Variants in INPP4A observed in about 807,000 individuals in gnomAD.
INPP4A encodes inositol polyphosphate-4-phosphatase type I A, also known as inositol polyphosphate-4-phosphatase, type I, 107kD.
A neutral mutation model predicts 119.8 loss-of-function variants in INPP4A; 33 were observed. That is an observed-to-expected ratio of 0.28 (90% CI 0.21 to 0.37). The LOEUF is 0.37. Ranked by LOEUF, INPP4A falls within the 10% of genes least tolerant of loss-of-function variation. The pLI is 1.00. For missense variants in INPP4A, 956 were observed against 1,289.9 expected, an observed-to-expected ratio of 0.74 and a Z score of 3.97; for synonymous variants, 496 against 500.7, an observed-to-expected ratio of 0.99 and a Z score of 0.12.
Position 98,546,022 on chromosome 2 carries a change from C to T in INPP4A, c.1003C>T (p.Pro335Ser). 1 of 1,593,644 alleles carries T rather than the reference C, an allele frequency of 6.3e-7. No homozygotes were observed. The change falls in exon 12 of 25, where the codon CCC becomes TCC. Residue 335 changes from proline (P) to serine (S), a missense_variant. Physicochemically the swap from Pro to Ser is moderately conservative, Grantham distance 74. Transcript: ENST00000409851. The surrounding 1 kb of genome is among the most constrained non-coding windows in gnomAD (Gnocchi z 4.2). ...AGCAGATAAAAAGTTAGAATTTGTT[C>T]CCACAAACTTGCACATACAAAGGAT... Reference protein sequence around the residue: ...LKADKKLEFVPTNLHIQRMRV... With the variant: ...LKADKKLEFVSTNLHIQRMRV...
At chr2:98,577,167 C>CGCCCCGCCT in intron 24 of INPP4A, 24 bp downstream of exon 24, 2 of 1,565,080 alleles carry the variant, frequency 1.3e-6, no homozygotes, top group Non-Finnish European at 8.7e-7. Flanking sequence ...CCAGGCCGCG[C>CGCCCCGCCT]GCCCCGCCTG....
intron 4 of INPP4A, among the ~76,000 whole-genome samples, chr2:98,530,337 T>C (rs764524713): frequency 6.6e-5 from 10 of 152,058 alleles, no homozygotes; most frequent in Non-Finnish European, 1.2e-4. Context: ...AGAGAAAGGA[T>C]TAGATGGATT....
At chr2:98,543,624 C>T (rs2106060050) in intron 10 of INPP4A, among the ~76,000 whole-genome samples, 1 of 152,294 alleles carries the variant, frequency 6.6e-6, no homozygotes, top group Middle Eastern at 3.4e-3. Flanking sequence ...TTCCCTTGAA[C>T]ATTAGACTAA....
intron 19 of INPP4A, 28 bp from the exon 20 acceptor site, chr2:98,565,612 G>C (rs752421738): frequency 2.5e-6 from 4 of 1,581,480 alleles, no homozygotes; most frequent in Non-Finnish European, 3.4e-6. Context: ...CCCTCTGCCT[G>C]ACAGCCCTGC....
rs1347504780 is a variant in INPP4A, at chr2:98,559,487, C to A, written c.1847C>A (p.Ser616Tyr). The A allele has an allele frequency of 6.2e-7, 1 of 1,613,878 alleles. No homozygotes were observed. The highest frequency in any genetic ancestry group is 1.1e-5 in the South Asian group (1 of 91,078). Residue 616 changes from serine (S) to tyrosine (Y), a missense_variant, in exon 17 of 25, where the codon TCC becomes TAC. Coordinates refer to ENST00000409851, the MANE Select transcript of INPP4A (RefSeq NM_001134225.2). ...GATTGCAGTCCCCCTCCTGAAGAGTCCAGCCCAGGTACGTGGTTTCCGTTC... is the reference window on the plus strand; with the variant it reads ...GATTGCAGTCCCCCTCCTGAAGAGTACAGCCCAGGTACGTGGTTTCCGTTC... Reference protein sequence around the residue: ...TTHCSPPPEESSPGEWSEALY... With the variant: ...TTHCSPPPEEYSPGEWSEALY...
chr2:98,488,709 C>T (rs1371664687), intron 1 of INPP4A, among the ~76,000 whole-genome samples: 1 of 152,152 alleles, frequency 6.6e-6, no homozygotes, highest in African/African-American at 2.4e-5. Context: ...ATATTTTGGA[C>T]ACACGAGAAG....
At chr2:98,491,647 C>T (rs990180661) in intron 1 of INPP4A, among the ~76,000 whole-genome samples, 3 of 152,132 alleles carry the variant, frequency 2.0e-5, no homozygotes, top group Non-Finnish European at 4.4e-5. Context: ...TACACAGTCA[C>T]CTACCTGAGT....
chr2:98,527,888 C>T (rs770843816), intron 4 of INPP4A, among the ~76,000 whole-genome samples: 3 of 152,178 alleles, frequency 2.0e-5, no homozygotes, highest in Non-Finnish European at 4.4e-5. Context: ...CACAAAAGAG[C>T]AGCAACAACA....
intron 24 of INPP4A, among the ~76,000 whole-genome samples, chr2:98,577,737 G>A (rs555291899): frequency 3.9e-5 from 6 of 152,308 alleles, no homozygotes; most frequent in East Asian, 1.9e-4. Flanking sequence ...GGCAGCAGGC[G>A]TGTTTGCAGA....
intron 24 of INPP4A, among the ~76,000 whole-genome samples, 185 bp from the exon 25 acceptor site, chr2:98,587,291 T>G (rs533414574): frequency 4.6e-5 from 7 of 152,234 alleles, no homozygotes; most frequent in Admixed American, 2.0e-4. Context: ...TCTCTGTGCT[T>G]CTTAATTGCC....
At position 98,499,785 on chromosome 2, in the gene INPP4A, C is replaced by T. The variant is rs182423127; in HGVS notation, c.-165-19179C>T. Among the ~76,000 whole-genome samples, 374 of 152,292 alleles carry T rather than the reference C, an allele frequency of 2.5e-3. 1 individual carries two copies. Among genetic ancestry groups the T allele is most frequent in the African/African-American group, 8.6e-3 (358 of 41,548 alleles). Reference sequence around the variant, plus strand: ...ACATAAAGTCTTTTAATTGGGCTATCGTAACTTTCAAGGACAAAAGGACAG... The same window carrying T: ...ACATAAAGTCTTTTAATTGGGCTATTGTAACTTTCAAGGACAAAAGGACAG... On this transcript the variant is annotated intron_variant, in intron 1 of 24. Transcript: ENST00000409851.
chr2:98,578,225 C>T (rs927663569), intron 24 of INPP4A, among the ~76,000 whole-genome samples: 1 of 152,192 alleles, frequency 6.6e-6, no homozygotes, highest in Non-Finnish European at 1.5e-5. Context: ...GGTCTGCTCC[C>T]CAGGAGCCTT....
At position 98,591,343 on chromosome 2, in the gene INPP4A, G is replaced by A. The variant is rs1314586042; in HGVS notation, c.*3735G>A. 1 of 154,352 alleles carries A rather than the reference G, an allele frequency of 6.5e-6. No individual in the cohort carries two copies. Among genetic ancestry groups the A allele is most frequent in the Non-Finnish European group, 1.4e-5 (1 of 69,470 alleles). 9.6% of individuals were successfully genotyped at this position (154,352 alleles called of 1,614,324 possible). A position where few individuals can be genotyped will look rare whatever the true frequency, so the allele number is the denominator to read the frequency against. ...TTTCTACCTTCACTCTCATGTCTCA[G>A]GATTATTTTTTCAGCATTTACCTGT... On this transcript the variant is annotated 3_prime_UTR_variant, in exon 25 of 25. Transcript: ENST00000409851.
chr2:98,564,664 A>G lies in INPP4A; in HGVS notation c.2053A>G (p.Ile685Val), dbSNP rs1436731316. 2.5e-6 allele frequency: 4 copies of G among 1,613,296 alleles called. No individual in the cohort carries two copies. The highest frequency in any genetic ancestry group is 3.4e-6 in the Non-Finnish European group (4 of 1,179,770). Residue 685 changes from isoleucine (I) to valine (V), a missense_variant, in exon 19 of 25, where the codon ATC becomes GTC. Coordinates refer to ENST00000409851, the MANE Select transcript of INPP4A (RefSeq NM_001134225.2). ...GCTGACCGCCCTCATCTGCGGCTTC[A>G]TCATTAAGCTGAGGAACTGCCTGCA... Reference protein sequence around the residue: ...QTLTALICGFIIKLRNCLHDD... With the variant: ...QTLTALICGFVIKLRNCLHDD...
chr2:98,576,897 G>A, intron 23 of INPP4A, 92 bp from the exon 24 acceptor site: 3 of 1,467,846 alleles, frequency 2.0e-6, no homozygotes, highest in Non-Finnish European at 2.8e-6. Flanking sequence ...TCCTGCCCTT[G>A]CTGGGCTGGT....
At chr2:98,472,160 T>C (rs1001814634) in intron 1 of INPP4A, among the ~76,000 whole-genome samples, 9 of 152,136 alleles carry the variant, frequency 5.9e-5, no homozygotes, top group African/African-American at 1.7e-4. Context: ...AGAAGTATGG[T>C]CCACATGGGT....
intron 1 of INPP4A, among the ~76,000 whole-genome samples, chr2:98,491,397 A>G (rs1680741052): frequency 6.6e-6 from 1 of 152,178 alleles, no homozygotes; most frequent in Non-Finnish European, 1.5e-5. Context: ...GGCCCTCACC[A>G]TTGGCTCTTC....
intron 24 of INPP4A, chr2:98,581,792 A>G: frequency 1.3e-6 from 2 of 1,589,450 alleles, no homozygotes; most frequent in Non-Finnish European, 1.7e-6. Context: ...CACAAGAAAA[A>G]CAAAAGTGCC....
intron 1 of INPP4A, among the ~76,000 whole-genome samples, chr2:98,446,660 T>G (rs1173341360): frequency 6.6e-6 from 1 of 152,230 alleles, no homozygotes; most frequent in African/African-American, 2.4e-5. Context: ...AGAATTAGTC[T>G]GCTTACCTGG....
Sources: allele counts gnomAD v4.1 joint callset (sites outside exome capture counted in the v4.1 genomes callset), GRCh38; gene constraint gnomAD v4.1.1; non-coding constraint Gnocchi (gnomAD v3.1); transcripts MANE v1.5; gene names NCBI Gene and HGNC (gene_info 2026-07-23, HGNC 2026-07-21).